EPRS1: variants seen among roughly 807,000 people sequenced by gnomAD.
The protein encoded by EPRS1 is glutamyl-prolyl-tRNA synthetase 1.
EPRS1 carries 107 observed loss-of-function variants against 188.3 expected under a neutral mutation model. The ratio of observed to expected loss-of-function variants is 0.57; its 90% confidence interval spans 0.49 to 0.67. The LOEUF (loss-of-function observed/expected upper bound fraction) is 0.67. EPRS1 is among the 30% of genes least tolerant of loss of function. The pLI, the probability that EPRS1 is intolerant of heterozygous loss-of-function variation, is 0.00. For synonymous variants in EPRS1, 596 were observed against 593.1 expected, an observed-to-expected ratio of 1.00 and a Z score of -0.07; for missense variants, 1,577 against 1,802.2, an observed-to-expected ratio of 0.88 and a Z score of 2.26.
At chr1:220,021,113 C>T (rs1378429926) in intron 9 of EPRS1, among the ~76,000 whole-genome samples, 1 of 151,880 alleles carries the variant, frequency 6.6e-6, no homozygotes, top group Non-Finnish European at 1.5e-5. Context: ...AAACTCCTGG[C>T]CTCAAGTGAT....
At position 219,968,730 on chromosome 1, in the gene EPRS1, G is replaced by T; in HGVS notation, c.*76C>A. ...TTACTTTTTAAAAAATCATAAAACG[G>T]TCTGTATCTGAGAAGATACTAATAT... On this transcript the variant is annotated 3_prime_UTR_variant, in exon 32 of 32. Coordinates refer to ENST00000366923, the MANE Select transcript of EPRS1 (RefSeq NM_004446.3). 1 of 1,361,572 alleles carries T rather than the reference G, an allele frequency of 7.3e-7. No individual in the cohort carries two copies. The highest frequency in any genetic ancestry group is 1.0e-6 in the Non-Finnish European group (1 of 968,218). 84.3% of individuals were successfully genotyped at this position (1,361,572 alleles called of 1,614,324 possible).
At chr1:220,006,021 C>G (rs1325862398) in intron 15 of EPRS1, 85 bp downstream of exon 15, 3 of 739,172 alleles carry the variant, frequency 4.1e-6, no homozygotes, top group Non-Finnish European at 6.3e-6. Flanking sequence ...TCCATTTTAT[C>G]TGAGGATCCG....
intron 29 of EPRS1, 36 bp from the exon 30 acceptor site, chr1:219,972,183 T>C (rs768994588): frequency 7.6e-7 from 1 of 1,321,926 alleles, no homozygotes; most frequent in Admixed American, 2.2e-5. Flanking sequence ...ACATAATTGT[T>C]CTCACAAATA....
At chr1:219,993,140 T>G (rs1258356053) in intron 18 of EPRS1, among the ~76,000 whole-genome samples, 1 of 150,394 alleles carries the variant, frequency 6.6e-6, no homozygotes, top group Non-Finnish European at 1.5e-5. Context: ...GAGACTGAGA[T>G]GAGAGGATTG....
chr1:219,978,820 A>G, intron 27 of EPRS1, 101 bp from the exon 28 acceptor site: 1 of 799,882 alleles, frequency 1.3e-6, no homozygotes, highest in Non-Finnish European at 2.0e-6. Flanking sequence ...TATTAACACG[A>G]ATCAGCTGTG....
At chr1:220,018,194 G>GA in intron 12 of EPRS1, 1 of 1,391,452 alleles carries the variant, frequency 7.2e-7, no homozygotes, top group South Asian at 1.2e-5. Context: ...AAAATTTAAG[G>GA]AAAAAAATAT....
chr1:219,996,574 C>A (rs1661237187), intron 18 of EPRS1, among the ~76,000 whole-genome samples: 1 of 152,230 alleles, frequency 6.6e-6, no homozygotes, highest in South Asian at 2.1e-4. Flanking sequence ...AGCTTGAGAA[C>A]CATGGTTCCA....
chr1:219,980,668 A>C (rs1660877202), intron 25 of EPRS1, 88 bp downstream of exon 25: 1 of 794,174 alleles, frequency 1.3e-6, no homozygotes, highest in African/African-American at 1.7e-5. Context: ...TGCTTTTAAC[A>C]GGTGTTACAT....
At chr1:219,982,026 T>C (rs1660910517) in intron 23 of EPRS1, among the ~76,000 whole-genome samples, 1 of 152,232 alleles carries the variant, frequency 6.6e-6, no homozygotes, top group African/African-American at 2.4e-5. Flanking sequence ...AGCCTGCTCA[T>C]GATCTATAAT....
chr1:220,020,914 G>A (rs1349711815), intron 9 of EPRS1, among the ~76,000 whole-genome samples: 28 of 132,638 alleles, frequency 2.1e-4, no homozygotes, highest in African/African-American at 7.8e-4. Context: ...AGACAGTCTC[G>A]CTCTTTTACC....
At chr1:220,036,008 T>A (rs949627922) in intron 2 of EPRS1, among the ~76,000 whole-genome samples, 21 of 152,086 alleles carry the variant, frequency 1.4e-4, no homozygotes, top group African/African-American at 4.8e-4. Flanking sequence ...GAGACCAGCC[T>A]GGCCAACATG....
At chr1:219,985,040 G>A (rs1487030634) in intron 20 of EPRS1, among the ~76,000 whole-genome samples, 10 of 141,432 alleles carry the variant, frequency 7.1e-5, no homozygotes, top group Admixed American at 1.4e-4. Context: ...GTGAAACTCC[G>A]TCTCAAAAGA....
At chr1:220,006,362 A>G (rs1434772951) in intron 14 of EPRS1, 49 bp from the exon 15 acceptor site, 4 of 682,702 alleles carry the variant, frequency 5.9e-6, no homozygotes, top group Admixed American at 5.9e-5. Context: ...CACAGCTGCC[A>G]TAAATTCATT....
chr1:219,979,080 C>G (rs2102562704), intron 27 of EPRS1, among the ~76,000 whole-genome samples: 1 of 152,306 alleles, frequency 6.6e-6, no homozygotes, highest in Non-Finnish European at 1.5e-5. Context: ...GTCTCAAACT[C>G]CTGGGCTCAA....
At chr1:219,972,326 C>T (rs1660683630) in intron 29 of EPRS1, among the ~76,000 whole-genome samples, 179 bp from the exon 30 acceptor site, 2 of 152,094 alleles carry the variant, frequency 1.3e-5, no homozygotes, top group African/African-American at 4.8e-5. Flanking sequence ...TATCATTGCA[C>T]TATTGTGAGC....
chr1:219,989,882 GT>G (rs1330778309), intron 18 of EPRS1, among the ~76,000 whole-genome samples: 1 of 152,024 alleles, frequency 6.6e-6, no homozygotes, highest in Non-Finnish European at 1.5e-5. Context: ...TTAGGAAAGA[GT>G]TTTCACAGCA....
chr1:219,968,969 A>G lies in EPRS1; in HGVS notation c.4389-13T>C. 6.2e-7 allele frequency: 1 copy of G among 1,613,926 alleles called. No homozygotes were observed. Among genetic ancestry groups the G allele is most frequent in the South Asian group, 1.1e-5 (1 of 91,064 alleles). ...AAGATCTTGATCCCTGAAATTAATA[A>G]CAAATAAGAATTCCACTCATTTATG... On this transcript the variant is annotated splice_polypyrimidine_tract_variant and intron_variant, in intron 31 of 31. Transcript: ENST00000366923.
At position 220,019,007 on chromosome 1, in the gene EPRS1, A is replaced by G. The variant is rs1661801993; in HGVS notation, c.1422T>C (p.Phe474=). The change falls in exon 11 of 32, where the codon TTT becomes TTC. Residue 474 remains phenylalanine (F), a synonymous_variant. Transcript: ENST00000366923. Reference sequence around the variant, plus strand: ...AACTGTAACGCACCTGAGCAGCAATAAACTGTTTCAGTCCTTCAACTGTCA... The same window carrying G: ...AACTGTAACGCACCTGAGCAGCAATGAACTGTTTCAGTCCTTCAACTGTCA... The part of the protein sequence containing the change: ...RGMTVEGLKQ[F]IAAQGSSRSV... The G allele has an allele frequency of 1.2e-6, 2 of 1,611,254 alleles. No homozygotes were observed. Among genetic ancestry groups the G allele is most frequent in the Non-Finnish European group, 1.7e-6 (2 of 1,177,608 alleles).
chr1:220,025,646 A>C, intron 6 of EPRS1, among the ~76,000 whole-genome samples: 1 of 152,172 alleles, frequency 6.6e-6, no homozygotes, highest in Non-Finnish European at 1.5e-5. Flanking sequence ...AAGACCTACT[A>C]CTACTGAGAA....
Sources: gnomAD v4.1 joint callset for allele counts (sites outside exome capture counted in the v4.1 genomes callset) on GRCh38, gnomAD v4.1.1 for gene constraint, MANE v1.5 for transcripts, NCBI Gene and HGNC (gene_info 2026-07-23, HGNC 2026-07-21) for gene names.